The following DRC5 variants were observed in gnomAD, a reference collection of about 807,000 sequenced individuals.
DRC5 encodes the protein dynein regulatory complex subunit 5.
chr6:44,294,223 C>T, the DRC5 span, among the ~76,000 whole-genome samples: 1 of 152,144 alleles, frequency 6.6e-6, no homozygotes, highest in South Asian at 2.1e-4. Context: ...CTCAGGTGAT[C>T]TGCCCGCCTT....
the DRC5 span, among the ~76,000 whole-genome samples, chr6:44,281,846 T>C: frequency 6.6e-6 from 1 of 152,238 alleles, no homozygotes; most frequent in Non-Finnish European, 1.5e-5. Context: ...CTCTGAAACT[T>C]AGTTTTCCAT....
chr6:44,291,588 C>T, the DRC5 span, among the ~76,000 whole-genome samples: 1 of 152,308 alleles, frequency 6.6e-6, no homozygotes, highest in African/African-American at 2.4e-5. Flanking sequence ...AAAGTCTTCA[C>T]CACAGACTTC....
chr6:44,288,993 C>CAAAAAAAAAAAAAAAGAAAAAAAAAAAAA, the DRC5 span, among the ~76,000 whole-genome samples: 1 of 32,828 alleles, frequency 3.0e-5, no homozygotes, highest in Non-Finnish European at 4.6e-5. Context: ...GACTCTGTCT[C>CAAAAAAAAAAAAAAAGAAAAAAAAAAAAA]AAAAAAAAAA....
the DRC5 span, among the ~76,000 whole-genome samples, chr6:44,290,140 A>G: frequency 1.3e-5 from 2 of 152,180 alleles, no homozygotes; most frequent in South Asian, 4.1e-4. Context: ...GAATAACCAG[A>G]TAGTGCTTTT....
chr6:44,284,269 T>G, the DRC5 span, among the ~76,000 whole-genome samples: 2 of 152,058 alleles, frequency 1.3e-5, no homozygotes, highest in Admixed American at 1.3e-4. Flanking sequence ...TCACTCCCTC[T>G]ACTTGAAACA....
At chr6:44,282,507 A>G in the DRC5 span, 1 of 1,605,832 alleles carries the variant, frequency 6.2e-7, no homozygotes, top group Non-Finnish European at 8.5e-7. Flanking sequence ...AAGGCTTCGA[A>G]TTATGATGCG....
chr6:44,294,225 G>A, the DRC5 span, among the ~76,000 whole-genome samples: 1 of 152,028 alleles, frequency 6.6e-6, no homozygotes, highest in Non-Finnish European at 1.5e-5. Context: ...CAGGTGATCT[G>A]CCCGCCTTGG....
At chr6:44,288,806 C>T in the DRC5 span, among the ~76,000 whole-genome samples, 1 of 151,760 alleles carries the variant, frequency 6.6e-6, no homozygotes, top group Non-Finnish European at 1.5e-5. Flanking sequence ...CCAGCCTGGC[C>T]AACATGGTGA....
chr6:44,296,418 G>T, the DRC5 span, among the ~76,000 whole-genome samples: 1 of 152,226 alleles, frequency 6.6e-6, no homozygotes, highest in Non-Finnish European at 1.5e-5. Context: ...GAGCCCAACA[G>T]AGTGCTGCAG....
chr6:44,291,285 A>T, the DRC5 span, among the ~76,000 whole-genome samples: 1 of 152,264 alleles, frequency 6.6e-6, no homozygotes, highest in Non-Finnish European at 1.5e-5. Context: ...TGGATATCAC[A>T]AAAATATTTT....
the DRC5 span, chr6:44,286,000 G>C: frequency 2.5e-6 from 4 of 1,613,964 alleles, no homozygotes; most frequent in Middle Eastern, 1.6e-4. Context: ...CGGCTGCCAA[G>C]GAGAGGCAGT....
chr6:44,280,133 G>C, the DRC5 span: 1 of 1,523,596 alleles, frequency 6.6e-7, no homozygotes, highest in Non-Finnish European at 9.1e-7. Flanking sequence ...CATGGCAGGG[G>C]TATGAAATGA....
the DRC5 span, among the ~76,000 whole-genome samples, chr6:44,283,552 C>T: frequency 6.6e-6 from 1 of 152,192 alleles, no homozygotes; most frequent in African/African-American, 2.4e-5. Context: ...CGGTTCACTC[C>T]TTTTTATACC....
At chr6:44,296,611 G>A in the DRC5 span, among the ~76,000 whole-genome samples, 1 of 146,398 alleles carries the variant, frequency 6.8e-6, no homozygotes, top group Non-Finnish European at 1.5e-5. Flanking sequence ...TCACAGTTCT[G>A]GTCCTCAACT....
chr6:44,289,758 G>T, the DRC5 span, among the ~76,000 whole-genome samples: 1 of 152,196 alleles, frequency 6.6e-6, no homozygotes, highest in Non-Finnish European at 1.5e-5. Flanking sequence ...GTCTTGGTCC[G>T]GGGACCCTCC....
At chr6:44,296,996 G>T in the DRC5 span, among the ~76,000 whole-genome samples, 2 of 5,258 alleles carry the variant, frequency 3.8e-4, no homozygotes, top group Non-Finnish European at 2.3e-3. Flanking sequence ...CAGCCCCTGG[G>T]CTGGCCTCCT....
chr6:44,285,938 G>A, the DRC5 span: 1 of 1,585,066 alleles, frequency 6.3e-7, no homozygotes, highest in South Asian at 1.1e-5. Flanking sequence ...AGAAGGGGTG[G>A]GGGGAAGGCT....
chr6:44,282,113 C>A, the DRC5 span: 1 of 1,610,310 alleles, frequency 6.2e-7, no homozygotes, highest in Non-Finnish European at 8.5e-7. Context: ...GGCTCACCAG[C>A]CCGATGTGGT....
At chr6:44,294,108 G>A in the DRC5 span, among the ~76,000 whole-genome samples, 3 of 151,760 alleles carry the variant, frequency 2.0e-5, no homozygotes, top group Admixed American at 6.6e-5. Flanking sequence ...TCAGCCTCCC[G>A]AATAGCTGGG....
Sources: allele counts gnomAD v4.1 joint callset (sites outside exome capture counted in the v4.1 genomes callset), GRCh38; gene constraint gnomAD v4.1.1; transcripts MANE v1.5; gene names NCBI Gene and HGNC (gene_info 2026-07-23, HGNC 2026-07-21).